WNK1: variants seen among roughly 807,000 people sequenced by gnomAD.
The protein encoded by WNK1 is WNK lysine deficient protein kinase 1, also known as serine/threonine-protein kinase WNK1.
WNK1 carries 38 observed loss-of-function variants against 222.8 expected under a neutral mutation model. That is an observed-to-expected ratio of 0.17 (90% CI 0.13 to 0.22). The LOEUF is 0.22. WNK1 is among the 10% of genes least tolerant of loss of function. WNK1 has a pLI of 1.00. For missense variants in WNK1, 2,348 were observed against 2,918.4 expected (o/e 0.80, Z 4.50); for synonymous variants, 1,090 against 1,092.9 (o/e 1.00, Z 0.05).
rs1222617522 is a variant in WNK1 at position 759,030 on chromosome 12, A to G, written c.759+4706A>G. Among the ~76,000 whole-genome samples, 7 of 146,760 alleles carry G rather than the reference A, an allele frequency of 4.8e-5. 1 individual carries two copies. Among genetic ancestry groups the G allele is most frequent in the Non-Finnish European group, 3.0e-5 (2 of 65,900 alleles). ...ATTTCAAAAAATAAAAAATATATGT[A>G]TATAAATATAAATAAAATTCATCTT... is the stretch of plus-strand genomic sequence containing the variant. On this transcript the variant is annotated intron_variant, in intron 1 of 27. Transcript: ENST00000315939.
In WNK1 at chr12:908,724, A is replaced by T. The variant is rs1169775909; in HGVS notation, c.7081A>T (p.Asn2361Tyr). 1 of 1,614,098 alleles carries T rather than the reference A, an allele frequency of 6.2e-7. No individual in the cohort carries two copies. The highest frequency in any genetic ancestry group is 1.7e-5 in the Admixed American group (1 of 60,012). ...ACCTGTGGGAACTGCCTCCTTGCAG[A>T]ATTTCAACATCAGCAATTTGCAGAA... ...FQPVGTASLQNFNISNLQKSI... is the reference protein window; with the variant it reads ...FQPVGTASLQYFNISNLQKSI... The change falls in exon 28 of 28, where the codon AAT becomes TAT. Residue 2361 changes from asparagine (N) to tyrosine (Y), a missense_variant. Physicochemically the swap from Asn to Tyr is moderately radical, Grantham distance 143. This residue lies in a region of WNK1 where 76 missense variants were observed against 85.7 expected (regional missense o/e 0.89). Coordinates refer to ENST00000315939, the MANE Select transcript of WNK1 (RefSeq NM_018979.4).
rs1395773316 is a variant in WNK1, at chr12:865,267, A to C, written c.2139+2997A>C. On this transcript the variant is annotated intron_variant, in intron 8 of 27. Coordinates refer to ENST00000315939, the MANE Select transcript of WNK1 (RefSeq NM_018979.4). ...GACTGCCCCGAGGAAACTTTTGCCG[A>C]AAAGCTTTCTAAAGCATTGGAGAGT... The C allele has an allele frequency of 2.0e-6, 3 of 1,536,068 alleles. No homozygotes were observed. The highest frequency in any genetic ancestry group is 4.9e-5 in the East Asian group (2 of 40,916).
At chr12:763,684 C>T (rs965234816) in intron 1 of WNK1, among the ~76,000 whole-genome samples, 1 of 147,282 alleles carries the variant, frequency 6.8e-6, no homozygotes, top group Non-Finnish European at 1.5e-5. Flanking sequence ...TAAGGGAGGG[C>T]TACTCTAGTT....
chr12:837,498 CGG>C, intron 4 of WNK1, among the ~76,000 whole-genome samples: 1 of 150,026 alleles, frequency 6.7e-6, no homozygotes, highest in African/African-American at 2.5e-5. Flanking sequence ...CACTTGAACC[CGG>C]GAGGCAGAGG....
Position 885,531 on chromosome 12 carries a change from T to C in WNK1, c.4727T>C (p.Ile1576Thr), listed in dbSNP as rs769323756. ...CATCCTTTGGTCATTCCATCAGTGA[T>C]AGCTTCTACTCCTATTCTTCCCCAA... ...GLHPLVIPSV[I>T]ASTPILPQAA... The change falls in exon 19 of 28, where the codon ATA becomes ACA. Residue 1576 changes from isoleucine to threonine, a missense_variant. This residue lies in a region of WNK1 where 1,144 missense variants were observed against 1,273.6 expected (regional missense o/e 0.90). Transcript: ENST00000315939. 1.9e-6 allele frequency: 3 copies of C among 1,614,152 alleles called. No individual in the cohort carries two copies. The highest frequency in any genetic ancestry group is 2.2e-5 in the South Asian group (2 of 91,080).
Position 884,958 on chromosome 12 carries a change from G to C in WNK1, c.4154G>C (p.Gly1385Ala), listed in dbSNP as rs1391802517. ...GTGCCCACTGAAGAGGGGATTGCTG[G>C]AGTTGCCACCAGCACAGGTGTGGTA... Reference protein sequence around the residue: ...VTVPTEEGIAGVATSTGVVTS... With the variant: ...VTVPTEEGIAAVATSTGVVTS... Residue 1385 changes from glycine (G) to alanine (A), a missense_variant, in exon 19 of 28, where the codon GGA becomes GCA. Gly to Ala is a moderately conservative substitution (Grantham distance 60). Around this residue, in one of 13 missense-constraint regions of WNK1, gnomAD observed 1,144 missense variants for 1,273.6 expected, o/e 0.90. Transcript: ENST00000315939. This position sits in a 1 kb window ranked among gnomAD's most constrained non-coding sequence, Gnocchi z 5.6. 6.2e-7 allele frequency: 1 copy of C among 1,614,052 alleles called. No homozygotes were observed. The highest frequency in any genetic ancestry group is 8.5e-7 in the Non-Finnish European group (1 of 1,180,020).
chr12:866,477 C>T (rs1951678718), intron 8 of WNK1, among the ~76,000 whole-genome samples: 1 of 152,316 alleles, frequency 6.6e-6, no homozygotes, highest in East Asian at 1.9e-4. Flanking sequence ...ATTCTCCTGC[C>T]TCAGCCTCCC....
rs544390442 is a variant in WNK1 at position 880,589 on chromosome 12, A to T, written c.2833-132A>T. 35 of 1,013,400 alleles carry T rather than the reference A, an allele frequency of 3.5e-5. No homozygotes were observed. The South Asian group carries it at 4.6e-4, about 13-fold the overall frequency. The allele number at this position is 1,013,400 out of a possible 1,614,324, so 62.8% of individuals were successfully genotyped here. A position where few individuals can be genotyped will look rare whatever the true frequency, so the allele number is the denominator to read the frequency against. On this transcript the variant is annotated intron_variant, in intron 11 of 27. Transcript: ENST00000315939. Reference sequence around the variant, plus strand: ...AATGTGGTCTTTATATGCCCTTTAGATTATTAGAAAGAGATTGGCTACTAT... The same window carrying T: ...AATGTGGTCTTTATATGCCCTTTAGTTTATTAGAAAGAGATTGGCTACTAT...
chr12:871,474 C>A, intron 9 of WNK1, 126 bp downstream of exon 9: 1 of 865,930 alleles, frequency 1.2e-6, no homozygotes. Flanking sequence ...CATACCATGT[C>A]TTGTGTTCAG....
chr12:857,323 A>G (rs1438647190), intron 5 of WNK1, 74 bp downstream of exon 5: 4 of 1,246,408 alleles, frequency 3.2e-6, no homozygotes, highest in Non-Finnish European at 4.7e-6. Flanking sequence ...TACAACACAC[A>G]TTCTACGGTG....
At chr12:817,232 G>A (rs201156445) in intron 2 of WNK1, among the ~76,000 whole-genome samples, 1 of 152,144 alleles carries the variant, frequency 6.6e-6, no homozygotes, top group Non-Finnish European at 1.5e-5. Flanking sequence ...AGCTACTCTG[G>A]AGGCTGAGGC....
chr12:899,099 T>C (rs1954998706), intron 25 of WNK1, among the ~76,000 whole-genome samples: 1 of 152,162 alleles, frequency 6.6e-6, no homozygotes, highest in Admixed American at 6.5e-5. Flanking sequence ...GAAATTATGG[T>C]AGTGTTAACA....
At chr12:810,985 G>T (rs980155070) in intron 1 of WNK1, among the ~76,000 whole-genome samples, 2 of 152,142 alleles carry the variant, frequency 1.3e-5, no homozygotes, top group Non-Finnish European at 2.9e-5. Flanking sequence ...TAGATGGAAA[G>T]AAATGAACGA....
At chr12:814,126 C>T (rs149753990) in intron 2 of WNK1, among the ~76,000 whole-genome samples, 2,515 of 150,968 alleles carry the variant, frequency 0.017, 72 homozygotes, top group African/African-American at 0.058. Context: ...GTCAGGAGTT[C>T]GAGACCAGCC....
At position 899,858 on chromosome 12, in the gene WNK1, TA is replaced by T. The variant is rs61365891; in HGVS notation, c.6449-608del. 2.1e-3 allele frequency among the ~76,000 whole-genome samples: 305 copies of T among 148,604 alleles called. 1 individual carries two copies. Among genetic ancestry groups the T allele is most frequent in the African/African-American group, 6.8e-3 (275 of 40,540 alleles). Reference sequence around the variant, plus strand: ...TGATTCAACACATTTTCTAATAGGGTAAAAAAAAAAGCAATCATGGAATTGC... The same window carrying T: ...TGATTCAACACATTTTCTAATAGGGTAAAAAAAAAGCAATCATGGAATTGC... On this transcript the variant is annotated intron_variant, in intron 25 of 27. Transcript: ENST00000315939.
chr12:892,466 A>G (rs1173240212), intron 22 of WNK1, among the ~76,000 whole-genome samples: 1 of 152,194 alleles, frequency 6.6e-6, no homozygotes, highest in Non-Finnish European at 1.5e-5. Flanking sequence ...TTCTCAGATA[A>G]GTTTAATAGA....
chr12:832,828 A>T (rs1948898582), intron 4 of WNK1, among the ~76,000 whole-genome samples: 1 of 152,192 alleles, frequency 6.6e-6, no homozygotes, highest in Non-Finnish European at 1.5e-5. Context: ...ATTTGGGCTG[A>T]ATGGGGGCAG....
intron 1 of WNK1, among the ~76,000 whole-genome samples, chr12:784,141 A>C (rs1277496103): frequency 1.3e-5 from 2 of 152,074 alleles, no homozygotes; most frequent in Admixed American, 6.5e-5. Context: ...GGATTGCTTG[A>C]GCCCAGGAGT....
intron 25 of WNK1, among the ~76,000 whole-genome samples, chr12:898,612 A>G (rs1954952179): frequency 6.6e-6 from 1 of 152,124 alleles, no homozygotes; most frequent in African/African-American, 2.4e-5. Context: ...TCTGTTGCCC[A>G]GACTGGAGTG....
Sources: gnomAD v4.1 joint callset for allele counts (sites outside exome capture counted in the v4.1 genomes callset) on GRCh38, gnomAD v4.1.1 for gene constraint, gnomAD v4.1.1 regional missense constraint, Gnocchi (gnomAD v3.1) non-coding constraint, MANE v1.5 for transcripts, NCBI Gene and HGNC (gene_info 2026-07-23, HGNC 2026-07-21) for gene names.